AMMECR1: variants seen among roughly 807,000 people sequenced by gnomAD.
AMMECR1 encodes AMMECR nuclear protein 1.
In AMMECR1, 3 loss-of-function variants were observed where a neutral mutation model predicts 22.5. The ratio of observed to expected loss-of-function variants is 0.13; its 90% CI spans 0.06 to 0.35. The LOEUF is 0.35. Among genes scored for constraint, AMMECR1 ranks in the 10% least tolerant of loss-of-function variants. The pLI is 1.00. For synonymous variants in AMMECR1, 130 were observed against 116.7 expected, an observed-to-expected ratio of 1.11 and a Z score of -0.74; for missense variants, 235 against 278.7, an observed-to-expected ratio of 0.84 and a Z score of 1.12.
chrX:110,335,060 C>G (rs1289010595), intron 2 of AMMECR1, among the ~76,000 whole-genome samples: 1 of 112,116 alleles, frequency 8.9e-6, no homozygotes, highest in African/African-American at 3.2e-5. Context: ...TGAATCCATT[C>G]TACCACATAA....
chrX:110,346,760 A>T (rs778902233), intron 2 of AMMECR1: 10 of 796,965 alleles, frequency 1.3e-5, no homozygotes, highest in Middle Eastern at 2.8e-4. Flanking sequence ...AAGATACTCC[A>T]GTCAGCAGAG....
intron 2 of AMMECR1, among the ~76,000 whole-genome samples, chrX:110,402,037 C>A (rs1377559791): frequency 8.9e-6 from 1 of 112,304 alleles, no homozygotes; most frequent in Non-Finnish European, 1.9e-5. Context: ...TCCCTCCCAC[C>A]AGTACGCTCA....
intron 1 of AMMECR1, among the ~76,000 whole-genome samples, chrX:110,265,482 T>A (rs965416585): frequency 8.1e-5 from 9 of 111,759 alleles, no homozygotes; most frequent in Non-Finnish European, 1.7e-4. Context: ...AATAACGTGG[T>A]TTTAGATGAA....
At chrX:110,300,450 A>G (rs1056566593) in intron 1 of AMMECR1, among the ~76,000 whole-genome samples, 17 of 112,239 alleles carry the variant, frequency 1.5e-4, no homozygotes, top group African/African-American at 4.9e-4. Flanking sequence ...TCGGTTTTCT[A>G]TTACAGTTAT....
At chrX:110,403,589 A>T (rs2068579327) in intron 2 of AMMECR1, among the ~76,000 whole-genome samples, 1 of 111,527 alleles carries the variant, frequency 9.0e-6, no homozygotes, top group African/African-American at 3.3e-5. Flanking sequence ...GCTCCCTGTC[A>T]TTCCCAGGTC....
intron 1 of AMMECR1, among the ~76,000 whole-genome samples, chrX:110,314,504 G>T (rs2068038925): frequency 1.8e-5 from 2 of 111,146 alleles, no homozygotes; most frequent in African/African-American, 3.3e-5. Context: ...CTGGAGTTGG[G>T]GCTCAGGCAT....
rs1037662253 is a variant in AMMECR1, at chrX:110,251,547, G to A, written c.584+12942C>T. 1.1e-4 allele frequency among the ~76,000 whole-genome samples: 12 copies of A among 112,140 alleles called. No individual in the cohort carries two copies. The Admixed American group carries it at 1.1e-3, about 11-fold the overall frequency. ...CTGGTGATAAGGAATAACAGGCACTGTTTTAAGGAGAGTGAGATAGATTTT... is the reference window on the plus strand; with the variant it reads ...CTGGTGATAAGGAATAACAGGCACTATTTTAAGGAGAGTGAGATAGATTTT... On this transcript the variant is annotated intron_variant, in intron 2 of 5. Transcript: ENST00000262844.
intron 2 of AMMECR1, among the ~76,000 whole-genome samples, chrX:110,358,282 C>T (rs780486933): frequency 3.7e-4 from 41 of 110,892 alleles, no homozygotes; most frequent in Non-Finnish European, 2.1e-4. Flanking sequence ...TTTTTTTGCA[C>T]CTTTTTAGTT....
At chrX:110,375,650 C>A (rs2068371512) in intron 2 of AMMECR1, among the ~76,000 whole-genome samples, 1 of 112,056 alleles carries the variant, frequency 8.9e-6, no homozygotes, top group South Asian at 3.7e-4. Flanking sequence ...GGAAATATTA[C>A]ATGAACTTAA....
chrX:110,253,363 T>C (rs1014943505), intron 2 of AMMECR1, among the ~76,000 whole-genome samples: 2 of 112,657 alleles, frequency 1.8e-5, no homozygotes, highest in African/African-American at 6.5e-5. Flanking sequence ...TTGTGCCATT[T>C]TGGCTAATGG....
Position 110,234,450 on chromosome X carries a change from A to G in AMMECR1, c.585-17818T>C, listed in dbSNP as rs1370565719. Among the ~76,000 whole-genome samples the G allele has an allele frequency of 3.6e-5, 4 of 112,195 alleles. No individual in the cohort carries two copies. In the East Asian group the frequency reaches 8.4e-4, roughly 23 times the overall value. On this transcript the variant is annotated intron_variant, in intron 2 of 5. Transcript: ENST00000262844. The stretch of plus-strand genomic sequence containing the variant: ...TGCCATCCCCATCAAGCTACCAATG[A>G]CTTTCTTCACAGAACTGGAAAAAAA...
At chrX:110,211,926 C>G (rs775873788) in intron 3 of AMMECR1, among the ~76,000 whole-genome samples, 1 of 111,580 alleles carries the variant, frequency 9.0e-6, no homozygotes, top group African/African-American at 3.3e-5. Context: ...CCCATAAACA[C>G]TTATTTTAAA....
At chrX:110,225,732 G>A (rs1239276683) in intron 2 of AMMECR1, among the ~76,000 whole-genome samples, 2 of 111,934 alleles carry the variant, frequency 1.8e-5, no homozygotes, top group Non-Finnish European at 3.8e-5. Context: ...TTCTGGATTT[G>A]GGATGCTCAA....
intron 1 of AMMECR1, among the ~76,000 whole-genome samples, chrX:110,304,402 T>C (rs1478386436): frequency 8.9e-6 from 1 of 112,411 alleles, no homozygotes; most frequent in Non-Finnish European, 1.9e-5. Context: ...ATCATAATTA[T>C]AGTATTTTTA....
At chrX:110,326,710 G>T (rs930724243) in intron 2 of AMMECR1, among the ~76,000 whole-genome samples, 54 of 111,843 alleles carry the variant, frequency 4.8e-4, no homozygotes, top group African/African-American at 1.6e-3. Context: ...AAATAATTTG[G>T]CTTTTATTCA....
chrX:110,354,554 A>G (rs1489200273), intron 2 of AMMECR1, among the ~76,000 whole-genome samples: 7 of 111,882 alleles, frequency 6.3e-5, no homozygotes, highest in Non-Finnish European at 9.4e-5. Flanking sequence ...TATCTGTGGG[A>G]CGTCTTGGAA....
At chrX:110,362,263 T>G (rs151157526) in intron 2 of AMMECR1, among the ~76,000 whole-genome samples, 2,310 of 111,622 alleles carry the variant, frequency 0.021, 60 homozygotes, top group African/African-American at 0.072. Context: ...CACTAAAACT[T>G]AAGCTTGTTA....
chrX:110,223,226 C>T (rs1346883225), intron 2 of AMMECR1, among the ~76,000 whole-genome samples: 1 of 112,595 alleles, frequency 8.9e-6, no homozygotes, highest in Non-Finnish European at 1.9e-5. Context: ...TACAAAATGT[C>T]TACATAATGC....
At chrX:110,389,273 C>T (rs58676520) in intron 2 of AMMECR1, among the ~76,000 whole-genome samples, 12,955 of 112,433 alleles carry the variant, frequency 0.12, 1,276 homozygotes, top group African/African-American at 0.33. Flanking sequence ...AAAGATCCTT[C>T]GTTAACACTT....
Sources: gnomAD v4.1 joint callset for allele counts (sites outside exome capture counted in the v4.1 genomes callset) on GRCh38, gnomAD v4.1.1 for gene constraint, MANE v1.5 for transcripts, NCBI Gene and HGNC (gene_info 2026-07-23, HGNC 2026-07-21) for gene names.